AGBL1: variants seen among roughly 807,000 people sequenced by gnomAD.
AGBL1 encodes the protein AGBL carboxypeptidase 1.
A neutral mutation model predicts 118.9 loss-of-function variants in AGBL1; 130 were observed. That is an observed-to-expected ratio of 1.09 (90% CI 0.95 to 1.26). The LOEUF is 1.26. Ranked by LOEUF, AGBL1 falls within the 50% of genes most tolerant of loss-of-function variation. The pLI, the probability that AGBL1 is intolerant of heterozygous loss-of-function variation, is 0.00. For synonymous variants in AGBL1, 555 were observed against 478.9 expected (o/e 1.16, Z -2.08); for missense variants, 1,584 against 1,298.1 (o/e 1.22, Z -3.38).
At chr15:86,154,656 G>C in intron 4 of AGBL1, 95 bp downstream of exon 4, 1 of 1,390,178 alleles carries the variant, frequency 7.2e-7, no homozygotes, top group Non-Finnish European at 9.6e-7. Flanking sequence ...GAAAAGCATG[G>C]GTGAGAGATA....
intron 21 of AGBL1, among the ~76,000 whole-genome samples, chr15:86,590,386 A>T (rs548078415): frequency 2.6e-5 from 4 of 152,024 alleles, no homozygotes; most frequent in Non-Finnish European, 5.9e-5. Context: ...ATGGTTTTAT[A>T]TGGGGGCTTT....
chr15:86,164,834 G>A (rs183031907), intron 5 of AGBL1, among the ~76,000 whole-genome samples: 146 of 152,252 alleles, frequency 9.6e-4, no homozygotes, highest in African/African-American at 3.4e-3. Flanking sequence ...AAGAGGACTC[G>A]GGCTGCTCAC....
At chr15:86,324,793 C>T (rs1041483481) in intron 17 of AGBL1, among the ~76,000 whole-genome samples, 1 of 152,262 alleles carries the variant, frequency 6.6e-6, no homozygotes, top group South Asian at 2.1e-4. Context: ...TAAGCCAATA[C>T]CCCAACCACA....
chr15:86,288,926 C>G (rs1304674976), intron 16 of AGBL1, among the ~76,000 whole-genome samples: 1 of 152,002 alleles, frequency 6.6e-6, no homozygotes, highest in African/African-American at 2.4e-5. Context: ...TGCCCTTTAT[C>G]AAAATAAGAT....
At chr15:86,756,359 G>T (rs1411021054) in intron 22 of AGBL1, among the ~76,000 whole-genome samples, 2 of 151,694 alleles carry the variant, frequency 1.3e-5, no homozygotes, top group Non-Finnish European at 2.9e-5. Context: ...ATTCATGCAT[G>T]AACTTTCTAA....
intron 1 of AGBL1, among the ~76,000 whole-genome samples, chr15:86,117,924 G>C (rs113531832): frequency 2.2e-4 from 34 of 152,328 alleles, no homozygotes; most frequent in African/African-American, 7.9e-4. Flanking sequence ...CCATTAGTGA[G>C]CTTCTGGCAC....
At chr15:86,560,462 C>T (rs951286441) in intron 21 of AGBL1, among the ~76,000 whole-genome samples, 4 of 152,208 alleles carry the variant, frequency 2.6e-5, no homozygotes, top group Non-Finnish European at 4.4e-5. Context: ...CTACAAAGGA[C>T]ATGAACTCAT....
At chr15:86,263,301 G>A (rs1274655292) in intron 10 of AGBL1, among the ~76,000 whole-genome samples, 1 of 152,154 alleles carries the variant, frequency 6.6e-6, no homozygotes, top group Admixed American at 6.5e-5. Context: ...TTAACATGCT[G>A]TACAGGTTTG....
intron 22 of AGBL1, among the ~76,000 whole-genome samples, chr15:86,715,757 G>A (rs1283115563): frequency 6.6e-6 from 1 of 152,078 alleles, no homozygotes; most frequent in Admixed American, 6.6e-5. Flanking sequence ...ATTAGTTTGT[G>A]GTTATTGAAA....
chr15:86,196,879 GCACACACA>G (rs59632011), intron 5 of AGBL1, among the ~76,000 whole-genome samples: 1,721 of 116,994 alleles, frequency 0.015, 26 homozygotes, highest in East Asian at 0.074. Flanking sequence ...GCGCGCGCGC[GCACACACA>G]CACACACACA....
At chr15:86,848,225 C>A (rs897822992) in intron 22 of AGBL1, among the ~76,000 whole-genome samples, 3 of 152,156 alleles carry the variant, frequency 2.0e-5, no homozygotes, top group African/African-American at 7.2e-5. Flanking sequence ...TAAATAACTG[C>A]TCCTCGACTT....
chr15:86,227,962 C>T lies in AGBL1; in HGVS notation c.526+3011C>T, dbSNP rs545978057. Among the ~76,000 whole-genome samples the T allele has an allele frequency of 2.0e-5, 3 of 152,252 alleles. No homozygotes were observed. The East Asian group carries it at 5.8e-4, about 29-fold the overall frequency. On this transcript the variant is annotated intron_variant, in intron 6 of 22. Transcript: ENST00000614907. ...TGTTTAAGCTCAGCAAGAAAGAGGA[C>T]TTCATTTAAATCGCAAAGTCTGTCA...
intron 22 of AGBL1, among the ~76,000 whole-genome samples, chr15:86,768,035 G>T (rs73445245): frequency 0.032 from 4,853 of 152,032 alleles, 290 homozygotes; most frequent in African/African-American, 0.11. Flanking sequence ...TATACAGAAA[G>T]AACTCATCAC....
chr15:86,658,267 C>T (rs1413527425), intron 21 of AGBL1, among the ~76,000 whole-genome samples: 3 of 152,010 alleles, frequency 2.0e-5, no homozygotes, highest in South Asian at 2.1e-4. Flanking sequence ...TAAAATGACT[C>T]CTCTGGATTA....
intron 17 of AGBL1, among the ~76,000 whole-genome samples, chr15:86,298,468 C>T (rs980042509): frequency 6.6e-6 from 1 of 150,928 alleles, no homozygotes; most frequent in Non-Finnish European, 1.5e-5. Context: ...ACTGCCTACC[C>T]TTCAAAGTGC....
At chr15:86,737,842 G>C (rs1003574846) in intron 22 of AGBL1, among the ~76,000 whole-genome samples, 5 of 152,052 alleles carry the variant, frequency 3.3e-5, no homozygotes, top group African/African-American at 1.2e-4. Flanking sequence ...AAATGTAAAT[G>C]GGCTTCATGA....
At chr15:86,874,053 A>G (rs1272426715) in intron 22 of AGBL1, among the ~76,000 whole-genome samples, 3 of 152,180 alleles carry the variant, frequency 2.0e-5, no homozygotes, top group African/African-American at 7.2e-5. Context: ...TACTTCCCAT[A>G]ACCACCTGAC....
At chr15:86,953,054 A>G (rs1328037294) in intron 23 of AGBL1, among the ~76,000 whole-genome samples, 1 of 152,088 alleles carries the variant, frequency 6.6e-6, no homozygotes, top group Non-Finnish European at 1.5e-5. Flanking sequence ...GTGCTACACC[A>G]TGCTGTTTTG....
rs540056782 is a variant in AGBL1 at position 86,615,550 on chromosome 15, C to T, written c.2995-58723C>T. 1.4e-4 allele frequency among the ~76,000 whole-genome samples: 21 copies of T among 152,326 alleles called. No homozygotes were observed. The highest frequency in any genetic ancestry group is 1.0e-3 in the South Asian group (5 of 4,832). Reference sequence around the variant, plus strand: ...CTATGCTGAACCTGAGAAGGCCACACGCCATCCCGGTGGAGATGGCACAGT... The same window carrying T: ...CTATGCTGAACCTGAGAAGGCCACATGCCATCCCGGTGGAGATGGCACAGT... On this transcript the variant is annotated intron_variant, in intron 21 of 22. Coordinates refer to ENST00000614907, the MANE Select transcript of AGBL1 (RefSeq NM_001386094.1). This position sits in a 1 kb window ranked among gnomAD's most constrained non-coding sequence, Gnocchi z 4.3.
Sources: gnomAD v4.1 joint callset for allele counts (sites outside exome capture counted in the v4.1 genomes callset) on GRCh38, gnomAD v4.1.1 for gene constraint, Gnocchi (gnomAD v3.1) non-coding constraint, MANE v1.5 for transcripts, NCBI Gene and HGNC (gene_info 2026-07-23, HGNC 2026-07-21) for gene names.